Variants in SNTG2 observed in about 807,000 individuals in gnomAD.
SNTG2 encodes gamma-2-syntrophin.
SNTG2 carries 74 observed loss-of-function variants against 70.9 expected under a neutral mutation model. The ratio of observed to expected loss-of-function variants is 1.04; its 90% confidence interval spans 0.86 to 1.27. The LOEUF (loss-of-function observed/expected upper bound fraction) is 1.27. Among genes scored for constraint, SNTG2 ranks in the 50% most tolerant of loss-of-function variants. SNTG2 has a pLI of 0.00. For missense variants in SNTG2, 717 were observed against 690.7 expected, an observed-to-expected ratio of 1.04 and a Z score of -0.43; for synonymous variants, 278 against 273.8, an observed-to-expected ratio of 1.02 and a Z score of -0.15.
At chr2:1,153,773 T>A (rs1669674744) in intron 6 of SNTG2, among the ~76,000 whole-genome samples, 1 of 152,256 alleles carries the variant, frequency 6.6e-6, no homozygotes, top group African/African-American at 2.4e-5. Flanking sequence ...AAATGTTAGC[T>A]GTTTCTCAAT....
intron 14 of SNTG2, among the ~76,000 whole-genome samples, chr2:1,272,244 G>T (rs1394338941): frequency 6.6e-6 from 1 of 151,724 alleles, no homozygotes; most frequent in African/African-American, 2.4e-5. Flanking sequence ...GGTCCCATCT[G>T]GGGGGATGGG....
At position 969,195 on chromosome 2, in the gene SNTG2, T is replaced by G. The variant is rs57374377; in HGVS notation, c.72+18127T>G. Among the ~76,000 whole-genome samples, 225 of 152,348 alleles carry G rather than the reference T, an allele frequency of 1.5e-3. 1 individual carries two copies. Among genetic ancestry groups the G allele is most frequent in the African/African-American group, 5.1e-3 (212 of 41,584 alleles). Reference sequence around the variant, plus strand: ...GATTTCAGGTGTGTGGCTTTATTTCTGGGCTTGCTACTCGGTTCCATTGGC... The same window carrying G: ...GATTTCAGGTGTGTGGCTTTATTTCGGGGCTTGCTACTCGGTTCCATTGGC... On this transcript the variant is annotated intron_variant, in intron 1 of 16. Transcript: ENST00000308624.
At chr2:1,245,941 T>A (rs1677397436) in intron 11 of SNTG2, among the ~76,000 whole-genome samples, 1 of 152,040 alleles carries the variant, frequency 6.6e-6, no homozygotes, top group African/African-American at 2.4e-5. Context: ...GCCTTGGCAA[T>A]GTTAAATGTG....
intron 1 of SNTG2, 89 bp downstream of exon 1, chr2:951,157 C>T: frequency 1.8e-6 from 1 of 564,078 alleles, no homozygotes; most frequent in Non-Finnish European, 2.6e-6. Context: ...TCCCTCCACG[C>T]CCCCTCGCTC....
chr2:1,099,046 C>T (rs962437315), intron 4 of SNTG2, among the ~76,000 whole-genome samples: 6 of 152,172 alleles, frequency 3.9e-5, no homozygotes, highest in Admixed American at 6.5e-5. Context: ...GTTTCTCATA[C>T]AATTCGATTT....
intron 16 of SNTG2, among the ~76,000 whole-genome samples, chr2:1,355,479 C>T (rs2148312084): frequency 6.6e-6 from 1 of 152,340 alleles, no homozygotes; most frequent in South Asian, 2.1e-4. Context: ...TCACTTATCA[C>T]CGTGTCTTCC....
intron 9 of SNTG2, among the ~76,000 whole-genome samples, chr2:1,217,119 T>A (rs1490937902): frequency 6.6e-6 from 1 of 152,110 alleles, no homozygotes; most frequent in Non-Finnish European, 1.5e-5. Flanking sequence ...TTTTCTCAGT[T>A]CTTTTTTTAA....
At position 1,338,344 on chromosome 2, in the gene SNTG2, T is replaced by G. The variant is rs575893182; in HGVS notation, c.1488+21969T>G. Among the ~76,000 whole-genome samples, 63 of 152,328 alleles carry G rather than the reference T, an allele frequency of 4.1e-4. No individual in the cohort carries two copies. The South Asian group carries it at 0.013, about 32-fold the overall frequency. On this transcript the variant is annotated intron_variant, in intron 16 of 16. Transcript: ENST00000308624. Reference sequence around the variant, plus strand: ...TAAATATGGGATGCCTTTCCATTTGTTGGTGTCTTCATTACTTTCTTTTAA... The same window carrying G: ...TAAATATGGGATGCCTTTCCATTTGGTGGTGTCTTCATTACTTTCTTTTAA...
intron 2 of SNTG2, among the ~76,000 whole-genome samples, chr2:1,089,967 T>C (rs1306796389): frequency 6.6e-6 from 1 of 152,224 alleles, no homozygotes; most frequent in Non-Finnish European, 1.5e-5. Flanking sequence ...GACTGCTTCC[T>C]CACTGGCCTT....
intron 8 of SNTG2, among the ~76,000 whole-genome samples, chr2:1,201,857 G>GAA (rs1265546060): frequency 6.6e-6 from 1 of 151,936 alleles, no homozygotes; most frequent in African/African-American, 2.4e-5. Flanking sequence ...CCCAGAATGA[G>GAA]AATAAGAATG....
At chr2:977,083 T>G (rs1017994668) in intron 1 of SNTG2, among the ~76,000 whole-genome samples, 2 of 152,174 alleles carry the variant, frequency 1.3e-5, no homozygotes, top group Admixed American at 1.3e-4. Context: ...CACCATTCAC[T>G]GTTAATGTAG....
intron 8 of SNTG2, among the ~76,000 whole-genome samples, chr2:1,185,382 AT>A (rs1394987890): frequency 6.6e-6 from 1 of 152,256 alleles, no homozygotes; most frequent in East Asian, 1.9e-4. Flanking sequence ...AGTAGTCAGC[AT>A]CCCAGTAGAG....
chr2:1,213,351 T>G (rs2148003597), intron 9 of SNTG2, among the ~76,000 whole-genome samples: 1 of 152,304 alleles, frequency 6.6e-6, no homozygotes, highest in African/African-American at 2.4e-5. Flanking sequence ...AAACCAATTT[T>G]CCCATAGGCT....
At chr2:1,314,199 T>C (rs1328580476) in intron 15 of SNTG2, among the ~76,000 whole-genome samples, 1 of 152,236 alleles carries the variant, frequency 6.6e-6, no homozygotes, top group Non-Finnish European at 1.5e-5. Context: ...CCAAAGACTC[T>C]TACTGCTGCT....
At chr2:1,043,166 C>CT (rs1255578143) in intron 1 of SNTG2, among the ~76,000 whole-genome samples, 4 of 152,112 alleles carry the variant, frequency 2.6e-5, no homozygotes, top group South Asian at 2.1e-4. Flanking sequence ...ACATATACGT[C>CT]TTTTTTTGAG....
At position 1,097,972 on chromosome 2, in the gene SNTG2, A is replaced by G. The variant is rs1665503662; in HGVS notation, c.211-224A>G. Among the ~76,000 whole-genome samples, 1 of 152,004 alleles carries G rather than the reference A, an allele frequency of 6.6e-6. No homozygotes were observed. Among genetic ancestry groups the G allele is most frequent in the Admixed American group, 6.6e-5 (1 of 15,262 alleles). Reference sequence around the variant, plus strand: ...GGGGATTCTTCCTGGATTTCAGACAATGCCTGGAATGGGGCCTATTCTTTA... The same window carrying G: ...GGGGATTCTTCCTGGATTTCAGACAGTGCCTGGAATGGGGCCTATTCTTTA... On this transcript the variant is annotated intron_variant, in intron 2 of 16. Coordinates refer to ENST00000308624, the MANE Select transcript of SNTG2 (RefSeq NM_018968.4). The surrounding 1 kb of genome is among the most constrained non-coding windows in gnomAD (Gnocchi z 4.1).
At chr2:1,236,029 A>G (rs865813376) in intron 9 of SNTG2, among the ~76,000 whole-genome samples, 14 of 152,146 alleles carry the variant, frequency 9.2e-5, no homozygotes, top group African/African-American at 3.1e-4. Context: ...GAGCCAGGGA[A>G]CTTGGCTGTC....
chr2:1,158,040 A>G (rs942851649), intron 6 of SNTG2, among the ~76,000 whole-genome samples: 2 of 152,200 alleles, frequency 1.3e-5, no homozygotes, highest in African/African-American at 4.8e-5. Context: ...CTAGCAGCAC[A>G]CACTCAGGTG....
chr2:1,294,086 C>G (rs1001157192), intron 14 of SNTG2, among the ~76,000 whole-genome samples: 2 of 152,236 alleles, frequency 1.3e-5, no homozygotes, highest in Non-Finnish European at 2.9e-5. Context: ...CTCCACCACT[C>G]TGCATACCCC....
Sources: allele counts gnomAD v4.1 joint callset (sites outside exome capture counted in the v4.1 genomes callset), GRCh38; gene constraint gnomAD v4.1.1; non-coding constraint Gnocchi (gnomAD v3.1); transcripts MANE v1.5; gene names NCBI Gene and HGNC (gene_info 2026-07-23, HGNC 2026-07-21).